USH2A: variants seen among roughly 807,000 people sequenced by gnomAD.
The protein encoded by USH2A is Usher syndrome 2A (autosomal recessive, mild).
Under a neutral mutation model 538.9 loss-of-function variants are expected in USH2A, and 443 were observed. The observed-to-expected ratio is 0.82, with a 90% CI of 0.76 to 0.89. USH2A has a LOEUF of 0.89. USH2A is among the 40% of genes least tolerant of loss of function. USH2A has a pLI of 0.00. For synonymous variants in USH2A, 2,413 were observed against 2,273.5 expected (o/e 1.06, Z -1.75); for missense variants, 6,633 against 6,324.8 (o/e 1.05, Z -1.65).
At chr1:216,312,743 G>A (rs1445197056) in intron 9 of USH2A, among the ~76,000 whole-genome samples, 3 of 151,954 alleles carry the variant, frequency 2.0e-5, no homozygotes. Context: ...GCCGCTTTAA[G>A]TTTCTGGTCT....
intron 37 of USH2A, among the ~76,000 whole-genome samples, chr1:215,963,561 G>T (rs760724922): frequency 1.3e-5 from 2 of 151,962 alleles, no homozygotes; most frequent in Admixed American, 6.6e-5. Flanking sequence ...ATAAGACCAG[G>T]TTTTCCCTCC....
intron 3 of USH2A, among the ~76,000 whole-genome samples, chr1:216,375,058 C>G (rs2038793012): frequency 6.6e-6 from 1 of 152,080 alleles, no homozygotes; most frequent in Admixed American, 6.6e-5. Flanking sequence ...ACAGATACTA[C>G]TAGATAGATA....
intron 21 of USH2A, among the ~76,000 whole-genome samples, chr1:216,102,680 GTCCCAGCTAC>G (rs2032618863): frequency 6.6e-6 from 1 of 151,956 alleles, no homozygotes; most frequent in South Asian, 2.1e-4. Flanking sequence ...GGCGCCTGTA[GTCCCAGCTAC>G]TCGGGAGGCT....
intron 43 of USH2A, among the ~76,000 whole-genome samples, chr1:215,870,290 T>TATTTA (rs202029580): frequency 6.6e-6 from 1 of 151,360 alleles, no homozygotes; most frequent in African/African-American, 2.4e-5. Context: ...ATTTTTTATT[T>TATTTA]TTTTTTTATT....
chr1:215,959,051 G>C (rs1667136736), intron 37 of USH2A, among the ~76,000 whole-genome samples: 1 of 151,974 alleles, frequency 6.6e-6, no homozygotes, highest in Admixed American at 6.6e-5. Context: ...TCTCCTCCTT[G>C]GAGCCAGAAG....
At chr1:215,754,979 C>T (rs2820727) in intron 58 of USH2A, among the ~76,000 whole-genome samples, 68,503 of 151,908 alleles carry the variant, frequency 0.45, 17,637 homozygotes, top group Non-Finnish European at 0.58. Context: ...CCTTCAGCGG[C>T]TTGCCATTTT....
rs775208336 is a variant in USH2A at position 216,084,835 on chromosome 1, T to C, written c.5030A>G (p.His1677Arg). The change falls in exon 25 of 72, where the codon CAT (histidine) becomes CGT (arginine). Residue 1677 changes from histidine (H) to arginine (R), a missense_variant. Coordinates refer to ENST00000307340, the MANE Select transcript of USH2A (RefSeq NM_206933.4). ...KGFVGCLKDVHFMKNYNPSAI... is the reference protein window; with the variant it reads ...KGFVGCLKDVRFMKNYNPSAI... ...TGACGGATTGTAATTCTTCATAAAA[T>C]GTACATCCTTGAGACAGCCCACAAA... 5.6e-6 allele frequency: 9 copies of C among 1,613,408 alleles called. No homozygotes were observed. In the South Asian group the frequency reaches 7.7e-5, roughly 14 times the overall value.
chr1:215,850,376 T>C (rs1377906807), intron 44 of USH2A, among the ~76,000 whole-genome samples: 1 of 152,152 alleles, frequency 6.6e-6, no homozygotes, highest in Non-Finnish European at 1.5e-5. Context: ...AACTCCCTAA[T>C]ACCAACATTT....
intron 51 of USH2A, among the ~76,000 whole-genome samples, chr1:215,788,320 T>C (rs1661861579): frequency 6.6e-6 from 1 of 152,156 alleles, no homozygotes; most frequent in Non-Finnish European, 1.5e-5. Context: ...ACTAGATATG[T>C]CTGTGTGACT....
intron 44 of USH2A, among the ~76,000 whole-genome samples, chr1:215,858,644 T>A (rs1664234981): frequency 6.6e-6 from 1 of 151,778 alleles, no homozygotes; most frequent in Admixed American, 6.6e-5. Context: ...GAGAACAGAC[T>A]ATTACAATCT....
intron 63 of USH2A, among the ~76,000 whole-genome samples, chr1:215,673,789 G>A (rs1206988686): frequency 1.3e-5 from 2 of 152,074 alleles, no homozygotes. Context: ...ACTGTCCAGG[G>A]GCCTGCGTAT....
chr1:216,304,881 T>G (rs1202044410), intron 9 of USH2A, among the ~76,000 whole-genome samples: 1 of 151,798 alleles, frequency 6.6e-6, no homozygotes, highest in Non-Finnish European at 1.5e-5. Context: ...TCTGAGAGAG[T>G]ACTTGATATA....
chr1:215,815,804 T>G (rs1662844472), intron 48 of USH2A, among the ~76,000 whole-genome samples: 1 of 152,076 alleles, frequency 6.6e-6, no homozygotes, highest in Non-Finnish European at 1.5e-5. Context: ...TTTACTCTAC[T>G]TAGCTTTGAT....
chr1:215,639,753 G>T (rs1171584981), intron 68 of USH2A, among the ~76,000 whole-genome samples: 2 of 152,184 alleles, frequency 1.3e-5, no homozygotes, highest in Admixed American at 1.3e-4. Context: ...CAACCATCAG[G>T]CCACCTTCCT....
intron 21 of USH2A, among the ~76,000 whole-genome samples, chr1:216,138,318 CA>C (rs1558278437): frequency 6.6e-6 from 1 of 151,610 alleles, no homozygotes; most frequent in African/African-American, 2.4e-5. Context: ...TGAATAAAGG[CA>C]AAAAAAGAGA....
At chr1:215,668,402 A>C (rs1360163804) in intron 64 of USH2A, among the ~76,000 whole-genome samples, 1 of 152,222 alleles carries the variant, frequency 6.6e-6, no homozygotes, top group Non-Finnish European at 1.5e-5. Flanking sequence ...TGCTTTTCAA[A>C]ATATTATTTT....
chr1:215,666,204 T>C (rs1272604615), intron 64 of USH2A, among the ~76,000 whole-genome samples: 2 of 152,194 alleles, frequency 1.3e-5, no homozygotes, highest in Non-Finnish European at 2.9e-5. Context: ...TGAACTTTAC[T>C]CTTACCACCA....
At chr1:215,781,913 A>G in intron 54 of USH2A, 129 bp downstream of exon 54, 2 of 1,228,066 alleles carry the variant, frequency 1.6e-6, no homozygotes, top group East Asian at 4.7e-5. Flanking sequence ...TGACACATGA[A>G]CACGCTACTT....
intron 56 of USH2A, among the ~76,000 whole-genome samples, chr1:215,763,465 C>G (rs1244099456): frequency 1.3e-5 from 2 of 151,146 alleles, no homozygotes; most frequent in Middle Eastern, 3.8e-3. Flanking sequence ...AAAGGGAGTT[C>G]AGGCTGAGGG....
Sources: allele counts gnomAD v4.1 joint callset (sites outside exome capture counted in the v4.1 genomes callset), GRCh38; gene constraint gnomAD v4.1.1; transcripts MANE v1.5; gene names NCBI Gene and HGNC (gene_info 2026-07-23, HGNC 2026-07-21).